IQCM: variants seen among roughly 807,000 people sequenced by gnomAD.
The protein encoded by IQCM is IQ motif containing M, also known as IQ domain-containing protein M.
IQCM carries 45 observed loss-of-function variants against 57.6 expected under a neutral mutation model. The ratio of observed to expected loss-of-function variants is 0.78; its 90% CI spans 0.62 to 1.00. The LOEUF (loss-of-function observed/expected upper bound fraction) is 1.00. Among genes scored for constraint, IQCM ranks in the 50% least tolerant of loss-of-function variants. The pLI is 0.00. For synonymous variants in IQCM, 148 were observed against 158.9 expected, an observed-to-expected ratio of 0.93 and a Z score of 0.51; for missense variants, 468 against 511.6, an observed-to-expected ratio of 0.91 and a Z score of 0.82.
chr4:149,787,620 A>G (rs1419639514), intron 2 of IQCM, among the ~76,000 whole-genome samples: 1 of 152,214 alleles, frequency 6.6e-6, no homozygotes, highest in Non-Finnish European at 1.5e-5. Flanking sequence ...TGATGCTATG[A>G]AAATTGGATA....
intron 2 of IQCM, among the ~76,000 whole-genome samples, chr4:149,813,016 C>T (rs1398975763): frequency 3.3e-5 from 5 of 152,246 alleles, no homozygotes; most frequent in South Asian, 4.1e-4. Context: ...ATTTAAACCT[C>T]GGTGAACTTT....
intron 13 of IQCM, among the ~76,000 whole-genome samples, chr4:149,378,329 G>C (rs2111017970): frequency 6.6e-6 from 1 of 152,244 alleles, no homozygotes; most frequent in Non-Finnish European, 1.5e-5. Context: ...AGGAACAGTT[G>C]GAGGGCTCAG....
chr4:149,455,406 T>C (rs1405864584), intron 12 of IQCM, among the ~76,000 whole-genome samples: 1 of 152,102 alleles, frequency 6.6e-6, no homozygotes, highest in African/African-American at 2.4e-5. Context: ...CCTGTGAGAA[T>C]GCCCTTCCCA....
intron 12 of IQCM, among the ~76,000 whole-genome samples, chr4:149,522,674 C>G (rs1579355919): frequency 6.6e-6 from 1 of 151,834 alleles, no homozygotes; most frequent in African/African-American, 2.4e-5. Context: ...AGCAACATAT[C>G]AACAGATCCA....
chr4:149,553,037 T>A, intron 11 of IQCM, 106 bp downstream of exon 11: 1 of 805,618 alleles, frequency 1.2e-6, no homozygotes, highest in Non-Finnish European at 1.7e-6. Context: ...TACAGCAATA[T>A]AACATATAAT....
At position 149,690,928 on chromosome 4, in the gene IQCM, C is replaced by T. The variant is rs141786447; in HGVS notation, c.386-4460G>A. The T allele has an allele frequency of 5.9e-5, 9 of 152,178 alleles. No homozygotes were observed. The East Asian group carries it at 1.6e-3, about 26-fold the overall frequency. The allele number at this position is 152,178 out of a possible 1,614,324, so 9.4% of individuals were successfully genotyped here. A position where few individuals can be genotyped will look rare whatever the true frequency, so the allele number is the denominator to read the frequency against. On this transcript the variant is annotated intron_variant, in intron 5 of 13. Transcript: ENST00000636793. ...TATTTTTTACTGTGCTCTACACTGC[C>T]CCCTGGAACTTCAGGGGATTCATCA...
intron 8 of IQCM, among the ~76,000 whole-genome samples, chr4:149,616,571 G>A (rs1448434675): frequency 6.6e-6 from 1 of 151,906 alleles, no homozygotes; most frequent in Non-Finnish European, 1.5e-5. Context: ...CTTAAAAATG[G>A]TTAAAATGGT....
rs558717501 is a variant in IQCM at position 149,751,001 on chromosome 4, A to T, written c.-48-8262T>A. On this transcript the variant is annotated intron_variant, in intron 2 of 13. Coordinates refer to ENST00000636793, the MANE Select transcript of IQCM (RefSeq NM_001363507.2). ...TTCTTTTTTATCTCTATAAACTTGT[A>T]AAAACTAGCTAATATTTACAAGGTC... is the stretch of plus-strand genomic sequence containing the variant. 1.4e-4 allele frequency among the ~76,000 whole-genome samples: 21 copies of T among 152,342 alleles called. No homozygotes were observed. In the South Asian group the frequency reaches 4.3e-3, roughly 32 times the overall value.
rs181096641 is a variant in IQCM at position 149,543,808 on chromosome 4, A to T, written c.1228+4647T>A. Among the ~76,000 whole-genome samples, 4 of 152,294 alleles carry T rather than the reference A, an allele frequency of 2.6e-5. No homozygotes were observed. In the East Asian group the frequency reaches 7.7e-4, roughly 29 times the overall value. On this transcript the variant is annotated intron_variant, in intron 12 of 13. Coordinates refer to ENST00000636793, the MANE Select transcript of IQCM (RefSeq NM_001363507.2). ...ATTTTATGTATTTCTATATTTTCCA[A>T]ATTTTCTATAATAAAACATTAAATA...
chr4:149,582,112 A>G (rs747755916), intron 9 of IQCM, among the ~76,000 whole-genome samples: 16 of 150,840 alleles, frequency 1.1e-4, no homozygotes, highest in Admixed American at 2.0e-4. Flanking sequence ...GAAAAATTCT[A>G]TAGAAGGAGG....
chr4:149,562,964 C>T (rs1448951027), intron 10 of IQCM, among the ~76,000 whole-genome samples: 1 of 152,086 alleles, frequency 6.6e-6, no homozygotes, highest in Non-Finnish European at 1.5e-5. Context: ...GTTGATTTCC[C>T]AAATTCCTTA....
intron 8 of IQCM, among the ~76,000 whole-genome samples, chr4:149,602,664 G>A (rs921445324): frequency 6.6e-6 from 1 of 151,614 alleles, no homozygotes; most frequent in South Asian, 2.1e-4. Flanking sequence ...TTTTTATAAG[G>A]TATCATAAAT....
chr4:149,751,803 C>T (rs571585567), intron 2 of IQCM, among the ~76,000 whole-genome samples: 2 of 151,864 alleles, frequency 1.3e-5, no homozygotes, highest in Non-Finnish European at 2.9e-5. Flanking sequence ...AGAATGAGTT[C>T]TCTGAGAAAT....
At chr4:149,648,727 A>G (rs1561103690) in intron 7 of IQCM, among the ~76,000 whole-genome samples, 2 of 152,100 alleles carry the variant, frequency 1.3e-5, no homozygotes. Context: ...GAAGAGGAAC[A>G]TCACACACTG....
chr4:149,784,855 A>G (rs1391388195), intron 2 of IQCM, among the ~76,000 whole-genome samples: 4 of 152,214 alleles, frequency 2.6e-5, no homozygotes, highest in Non-Finnish European at 1.5e-5. Flanking sequence ...CAGAATGTAA[A>G]CCGTAAGGAG....
intron 7 of IQCM, among the ~76,000 whole-genome samples, chr4:149,664,977 G>C (rs546551793): frequency 3.9e-5 from 6 of 152,294 alleles, no homozygotes; most frequent in East Asian, 3.9e-4. Context: ...CCTAGAAAGA[G>C]GTTAGGCACA....
At chr4:149,447,669 T>C (rs866356250) in intron 12 of IQCM, among the ~76,000 whole-genome samples, 1 of 151,516 alleles carries the variant, frequency 6.6e-6, no homozygotes, top group East Asian at 1.9e-4. Flanking sequence ...AAGCCTAATA[T>C]ATGTGTAACT....
intron 2 of IQCM, among the ~76,000 whole-genome samples, chr4:149,799,863 AC>A (rs1245571128): frequency 6.6e-6 from 1 of 151,434 alleles, no homozygotes; most frequent in East Asian, 1.9e-4. Flanking sequence ...AAACAAAAAA[AC>A]AAAAAAACAA....
At chr4:149,727,684 C>G (rs748560497) in intron 5 of IQCM, among the ~76,000 whole-genome samples, 1 of 152,164 alleles carries the variant, frequency 6.6e-6, no homozygotes, top group Non-Finnish European at 1.5e-5. Flanking sequence ...CTCATCCCCC[C>G]TTCCTGGTTG....
Sources: allele counts gnomAD v4.1 joint callset (sites outside exome capture counted in the v4.1 genomes callset), GRCh38; gene constraint gnomAD v4.1.1; transcripts MANE v1.5; gene names NCBI Gene and HGNC (gene_info 2026-07-23, HGNC 2026-07-21).